OGFOD3: variants seen among roughly 807,000 people sequenced by gnomAD.
OGFOD3 encodes 2-oxoglutarate and iron dependent oxygenase domain containing 3, also known as 2-oxoglutarate and iron-dependent oxygenase domain-containing protein 3.
OGFOD3 carries 35 observed loss-of-function variants against 39.8 expected under a neutral mutation model. The observed-to-expected ratio is 0.88, with a 90% CI of 0.67 to 1.17. The LOEUF (loss-of-function observed/expected upper bound fraction) is 1.17, where lower values mean the gene tolerates loss of function less well. Ranked by LOEUF, OGFOD3 falls within the 50% of genes most tolerant of loss-of-function variation. OGFOD3 has a pLI of 0.00. For synonymous variants in OGFOD3, 200 were observed against 192.0 expected (o/e 1.04, Z -0.34); for missense variants, 438 against 454.5 (o/e 0.96, Z 0.33).
At chr17:82,401,023 T>A (rs1291959773) in intron 7 of OGFOD3, 1 of 151,682 alleles carries the variant, frequency 6.6e-6, no homozygotes, top group African/African-American at 2.4e-5. Context: ...GTGGTTAAAG[T>A]GGTTACGGCA....
chr17:82,403,844 C>T (rs550853688), intron 7 of OGFOD3, 93 bp downstream of exon 7: 22 of 1,474,724 alleles, frequency 1.5e-5, no homozygotes, highest in Admixed American at 8.0e-5. Flanking sequence ...TGTCCACGAG[C>T]GCGCTCACCC....
intron 7 of OGFOD3, 93 bp downstream of exon 7, chr17:82,403,844 C>A: frequency 6.8e-7 from 1 of 1,474,726 alleles, no homozygotes; most frequent in South Asian, 1.3e-5. Flanking sequence ...TGTCCACGAG[C>A]GCGCTCACCC....
chr17:82,399,101 G>A (rs1489779230), intron 7 of OGFOD3, among the ~76,000 whole-genome samples: 1 of 152,186 alleles, frequency 6.6e-6, no homozygotes, highest in African/African-American at 2.4e-5. Context: ...CCTCCCGGGT[G>A]CTGGGATTAC....
intron 3 of OGFOD3, among the ~76,000 whole-genome samples, chr17:82,410,124 C>T (rs1195974612): frequency 6.6e-6 from 1 of 152,214 alleles, no homozygotes; most frequent in African/African-American, 2.4e-5. Context: ...AAGACACCCA[C>T]ACGCCAGCTG....
chr17:82,415,552 C>T lies in OGFOD3; in HGVS notation c.150G>A (p.Gly50=), dbSNP rs777188927. ...QRPWLRTAGL[G]AGFVLTALLL... is the part of the protein sequence containing the mutation. ...GGAGTGCGGTGAGCACAAAGCCAGCCCCCAGGCCCGCGGTCCTTAGCCACG... is the reference window on the plus strand; with the variant it reads ...GGAGTGCGGTGAGCACAAAGCCAGCTCCCAGGCCCGCGGTCCTTAGCCACG... The change falls in exon 2 of 9, where the codon GGG becomes GGA. Residue 50 remains glycine (G), a synonymous_variant. Coordinates refer to ENST00000313056, the MANE Select transcript of OGFOD3 (RefSeq NM_024648.3). This position sits in a 1 kb window ranked among gnomAD's most constrained non-coding sequence, Gnocchi z 5.3. 3.1e-6 allele frequency: 5 copies of T among 1,613,532 alleles called. No homozygotes were observed. The South Asian group carries it at 5.5e-5, about 18-fold the overall frequency.
At chr17:82,397,437 G>C (rs1458235985) in intron 8 of OGFOD3, among the ~76,000 whole-genome samples, 1 of 144,718 alleles carries the variant, frequency 6.9e-6, no homozygotes, top group Non-Finnish European at 1.5e-5. Context: ...CCTGGGGATG[G>C]GTGAGGCAGT....
intron 2 of OGFOD3, among the ~76,000 whole-genome samples, chr17:82,413,468 C>A (rs567559372): frequency 2.6e-5 from 4 of 152,094 alleles, no homozygotes; most frequent in Non-Finnish European, 4.4e-5. Context: ...TGCACACGAG[C>A]GTGGGTCAGG....
At chr17:82,398,113 C>T (rs573643017) in intron 8 of OGFOD3, 83 bp downstream of exon 8, 11 of 1,546,120 alleles carry the variant, frequency 7.1e-6, no homozygotes, top group Admixed American at 1.7e-5. Context: ...AACTCAGCCT[C>T]GCTCCCAGGG....
intron 8 of OGFOD3, chr17:82,394,602 G>T: frequency 7.1e-7 from 1 of 1,401,110 alleles, no homozygotes; most frequent in Non-Finnish European, 9.9e-7. Context: ...CCTGGGCGGT[G>T]CACACCCTAC....
intron 7 of OGFOD3, among the ~76,000 whole-genome samples, chr17:82,401,602 G>A (rs1364177522): frequency 1.3e-5 from 2 of 150,854 alleles, no homozygotes; most frequent in Non-Finnish European, 3.0e-5. Flanking sequence ...TCAGGAGTTC[G>A]AGACTAGCCT....
rs531405566 is a variant in OGFOD3, at chr17:82,391,324, G to C, written c.*1074C>G. On this transcript the variant is annotated 3_prime_UTR_variant, in exon 9 of 9. Transcript: ENST00000313056. The surrounding 1 kb of genome is among the most constrained non-coding windows in gnomAD (Gnocchi z 5.1). ...AGGCCTCTCCACAACTGGTCTATTC[G>C]GGGCTCCTCTGACCACCACTTTATT... is the stretch of plus-strand genomic sequence containing the variant. 1 of 152,352 alleles carries C rather than the reference G, an allele frequency of 6.6e-6. No individual in the cohort carries two copies. The highest frequency in any genetic ancestry group is 6.5e-5 in the Admixed American group (1 of 15,268). The allele number at this position is 152,352 out of a possible 1,614,324, so 9.4% of individuals were successfully genotyped here.
chr17:82,417,889 T>C lies in OGFOD3; in HGVS notation c.74+523A>G, dbSNP rs138326496. On this transcript the variant is annotated intron_variant, in intron 1 of 8. Coordinates refer to ENST00000313056, the MANE Select transcript of OGFOD3 (RefSeq NM_024648.3). ...ATCAAGCAAGCGAGAAGCTGTATTC[T>C]GCACGTTAGAGGCTCCTTCACTAAT... 1.2e-3 allele frequency among the ~76,000 whole-genome samples: 188 copies of C among 152,340 alleles called. 1 individual carries two copies. The highest frequency in any genetic ancestry group is 4.2e-3 in the African/African-American group (176 of 41,588).
At position 82,395,548 on chromosome 17, in the gene OGFOD3, G is replaced by A. The variant is rs140928091; in HGVS notation, c.823+2648C>T. Among the ~76,000 whole-genome samples, 1,495 of 152,342 alleles carry A rather than the reference G, an allele frequency of 9.8e-3. 20 individuals are homozygous for A. The highest frequency in any genetic ancestry group is 0.012 in the Non-Finnish European group (786 of 68,020). ...GGTAAGAACTGCGACACGGCCGGGC[G>A]TGGTGGCTCACGCCTGTCATCCCAG... On this transcript the variant is annotated intron_variant, in intron 8 of 8. Transcript: ENST00000313056.
chr17:82,418,348 G>C (rs1388290139), intron 1 of OGFOD3, 64 bp downstream of exon 1: 1 of 764,912 alleles, frequency 1.3e-6, no homozygotes, highest in Non-Finnish European at 1.8e-6. Context: ...ATCAGCCCCA[G>C]TCCCGCCCAC....
At chr17:82,399,999 C>T (rs1221453871) in intron 7 of OGFOD3, among the ~76,000 whole-genome samples, 1 of 152,226 alleles carries the variant, frequency 6.6e-6, no homozygotes, top group Non-Finnish European at 1.5e-5. Flanking sequence ...AACAGAGCCT[C>T]GTGTGCAGTG....
chr17:82,405,251 G>T, intron 6 of OGFOD3, 73 bp downstream of exon 6: 1 of 1,358,156 alleles, frequency 7.4e-7, no homozygotes, highest in Non-Finnish European at 1.0e-6. Flanking sequence ...TCCCCGGACC[G>T]GCCAGCTCTG....
At chr17:82,410,325 C>G (rs963339200) in intron 3 of OGFOD3, among the ~76,000 whole-genome samples, 1 of 152,230 alleles carries the variant, frequency 6.6e-6, no homozygotes, top group African/African-American at 2.4e-5. Context: ...GGGCAGGGCA[C>G]GTGGCCCAGG....
chr17:82,416,329 A>G (rs929307734), intron 1 of OGFOD3, among the ~76,000 whole-genome samples: 1 of 152,248 alleles, frequency 6.6e-6, no homozygotes, highest in Non-Finnish European at 1.5e-5. Context: ...TTGCTTAGCA[A>G]AATGGGACAG....
intron 7 of OGFOD3, 175 bp downstream of exon 7, chr17:82,403,762 C>CAT: frequency 1.2e-6 from 1 of 829,692 alleles, no homozygotes; most frequent in Non-Finnish European, 1.9e-6. Flanking sequence ...TCCACATGCG[C>CAT]GCTCACCCTG....
Sources: gnomAD v4.1 joint callset for allele counts (sites outside exome capture counted in the v4.1 genomes callset) on GRCh38, gnomAD v4.1.1 for gene constraint, Gnocchi (gnomAD v3.1) non-coding constraint, MANE v1.5 for transcripts, NCBI Gene and HGNC (gene_info 2026-07-23, HGNC 2026-07-21) for gene names.